The following DTWD1 variants were observed in gnomAD, a reference collection of about 807,000 sequenced individuals.
DTWD1 encodes the protein tRNA-uridine aminocarboxypropyltransferase 1.
A neutral mutation model predicts 30.2 loss-of-function variants in DTWD1; 27 were observed. The observed-to-expected ratio is 0.90, with a 90% confidence interval of 0.66 to 1.23. DTWD1 has a LOEUF of 1.23. Among genes scored for constraint, DTWD1 ranks in the 50% most tolerant of loss-of-function variants. The probability of loss-of-function intolerance (pLI) is 0.00; values close to 1 mark genes in which losing one functional copy is unlikely to be tolerated. For synonymous variants in DTWD1, 99 were observed against 113.1 expected, an observed-to-expected ratio of 0.88 and a Z score of 0.79; for missense variants, 342 against 348.8, an observed-to-expected ratio of 0.98 and a Z score of 0.15.
intron 4 of DTWD1, among the ~76,000 whole-genome samples, chr15:49,636,169 C>T (rs2078999775): frequency 6.6e-6 from 1 of 152,044 alleles, no homozygotes; most frequent in African/African-American, 2.4e-5. Flanking sequence ...TTTGTTGTAG[C>T]ATGTATCAAT....
In DTWD1 at chr15:49,653,319, A is replaced by G. The variant is rs2079163029; in HGVS notation, c.*9741A>G. On this transcript the variant is annotated 3_prime_UTR_variant, in exon 5 of 5. Coordinates refer to ENST00000403028, the MANE Select transcript of DTWD1 (RefSeq NM_001144955.2). ...AACTCAACCTGCTATTGTTGGCTTT[A>G]CAGGTGAGTGATAGGAACCACAAGC... The G allele has an allele frequency of 6.6e-6, 1 of 152,130 alleles. No individual in the cohort carries two copies. The highest frequency in any genetic ancestry group is 2.4e-5 in the African/African-American group (1 of 41,462). 9.4% of individuals were successfully genotyped at this position (152,130 alleles called of 1,614,324 possible).
chr15:49,638,334 A>G (rs1015094462), intron 4 of DTWD1, among the ~76,000 whole-genome samples: 1 of 152,168 alleles, frequency 6.6e-6, no homozygotes, highest in Admixed American at 6.5e-5. Context: ...ATTCACATGG[A>G]AAGTATCATA....
intron 4 of DTWD1, among the ~76,000 whole-genome samples, chr15:49,635,612 C>T (rs2078991147): frequency 6.6e-6 from 1 of 151,976 alleles, no homozygotes. Flanking sequence ...CCTGCCTCAG[C>T]CTCGCTAGTA....
At chr15:49,633,554 G>C in intron 3 of DTWD1, 2 of 223,308 alleles carry the variant, frequency 9.0e-6, no homozygotes, top group South Asian at 9.0e-5. Context: ...GACTGGTCTC[G>C]AACTCCTAGG....
chr15:49,653,054 A>G lies in DTWD1; in HGVS notation c.*9476A>G, dbSNP rs540291283. 6.6e-6 allele frequency: 1 copy of G among 152,276 alleles called. No homozygotes were observed. The highest frequency in any genetic ancestry group is 1.9e-4 in the East Asian group (1 of 5,174). 9.4% of individuals were successfully genotyped at this position (152,276 alleles called of 1,614,324 possible). A position where few individuals can be genotyped will look rare whatever the true frequency, so the allele number is the denominator to read the frequency against. ...AATCAGTTTTTTTTCAGCATATGACATTTTGGAGTAGTTTGTTATTCAGCA... is the reference window on the plus strand; with the variant it reads ...AATCAGTTTTTTTTCAGCATATGACGTTTTGGAGTAGTTTGTTATTCAGCA... On this transcript the variant is annotated 3_prime_UTR_variant, in exon 5 of 5. Transcript: ENST00000403028.
intron 2 of DTWD1, among the ~76,000 whole-genome samples, chr15:49,629,046 C>T (rs1287578650): frequency 6.6e-6 from 1 of 152,070 alleles, no homozygotes; most frequent in Non-Finnish European, 1.5e-5. Context: ...TCCATGTGTT[C>T]TCCTTGTTCA....
At chr15:49,643,309 T>C in intron 4 of DTWD1, 22 bp from the exon 5 acceptor site, 1 of 1,030,574 alleles carries the variant, frequency 9.7e-7, no homozygotes, top group Non-Finnish European at 1.3e-6. Context: ...TTTCTTTCTT[T>C]TTTTTTTTTT....
At chr15:49,633,056 T>TATATATATATATAG (rs1555588645) in intron 3 of DTWD1, among the ~76,000 whole-genome samples, 3 of 146,214 alleles carry the variant, frequency 2.1e-5, no homozygotes, top group Non-Finnish European at 3.0e-5. Flanking sequence ...TATCTATATA[T>TATATATATATATAG]ATATATATAT....
chr15:49,641,717 T>C (rs1013306012), intron 4 of DTWD1, among the ~76,000 whole-genome samples: 2 of 152,122 alleles, frequency 1.3e-5, no homozygotes, highest in Admixed American at 6.6e-5. Flanking sequence ...TTGCCAGTTC[T>C]GTTTTTTTGT....
In DTWD1 at chr15:49,655,011, C is replaced by G. The variant is rs1197014542; in HGVS notation, c.*11433C>G. 1 of 151,992 alleles carries G rather than the reference C, an allele frequency of 6.6e-6. No homozygotes were observed. The highest frequency in any genetic ancestry group is 6.6e-5 in the Admixed American group (1 of 15,220). 9.4% of individuals were successfully genotyped at this position (151,992 alleles called of 1,614,324 possible). On this transcript the variant is annotated 3_prime_UTR_variant, in exon 5 of 5. Transcript: ENST00000403028. ...TTTGTCCCCTTATAAGGGCACCAAT[C>G]TCATCATGGAGGGTCTTCAACCTCA...
At chr15:49,640,496 C>G (rs932636354) in intron 4 of DTWD1, among the ~76,000 whole-genome samples, 1 of 152,086 alleles carries the variant, frequency 6.6e-6, no homozygotes, top group African/African-American at 2.4e-5. Context: ...TTCACCTTTA[C>G]AGGATAATGC....
At chr15:49,626,781 C>G (rs201252104) in intron 2 of DTWD1, 3 of 444,652 alleles carry the variant, frequency 6.7e-6, no homozygotes, top group Non-Finnish European at 1.4e-5. Context: ...ATGGTCTCCT[C>G]AGCATCTAAA....
At chr15:49,637,549 A>G (rs557526320) in intron 4 of DTWD1, among the ~76,000 whole-genome samples, 1 of 152,326 alleles carries the variant, frequency 6.6e-6, no homozygotes, top group African/African-American at 2.4e-5. Context: ...GTTCACACAG[A>G]TAGTTCCAAT....
chr15:49,649,267 A>G lies in DTWD1; in HGVS notation c.*5689A>G, dbSNP rs1456125193. 1 of 152,170 alleles carries G rather than the reference A, an allele frequency of 6.6e-6. No homozygotes were observed. The highest frequency in any genetic ancestry group is 6.5e-5 in the Admixed American group (1 of 15,280). The allele number at this position is 152,170 out of a possible 1,614,324, so 9.4% of individuals were successfully genotyped here. A position where few individuals can be genotyped will look rare whatever the true frequency, so the allele number is the denominator to read the frequency against. On this transcript the variant is annotated 3_prime_UTR_variant, in exon 5 of 5. Transcript: ENST00000403028. Reference sequence around the variant, plus strand: ...GAACTTTAAGTGAAAATAGTTTTCTATTTGGATTCTATTTTTAGTCATGCA... The same window carrying G: ...GAACTTTAAGTGAAAATAGTTTTCTGTTTGGATTCTATTTTTAGTCATGCA...
chr15:49,643,667 A>G lies in DTWD1; in HGVS notation c.*89A>G, dbSNP rs576325893. 2.2e-6 allele frequency: 3 copies of G among 1,393,438 alleles called. No homozygotes were observed. Among genetic ancestry groups the G allele is most frequent in the Admixed American group, 2.5e-5 (1 of 40,506 alleles). 86.3% of individuals were successfully genotyped at this position (1,393,438 alleles called of 1,614,324 possible). A position where few individuals can be genotyped will look rare whatever the true frequency, so the allele number is the denominator to read the frequency against. ...GTTTTTTCTTAAGAAATAATCATAT[A>G]TAATGCCTGTAAGACCATTTGAAAA... is the stretch of plus-strand genomic sequence containing the variant. On this transcript the variant is annotated 3_prime_UTR_variant, in exon 5 of 5. Transcript: ENST00000403028.
At position 49,643,401 on chromosome 15, in the gene DTWD1, T is replaced by G; in HGVS notation, c.738T>G (p.Thr246=). The stretch of plus-strand genomic sequence containing the variant: ...GCCATCAAAAAGGAAAGCCAGATAC[T>G]TTCCTTTCTACAATTGAAGCCATTT... The part of the protein sequence containing the change: ...FWRHQKGKPD[T]FLSTIEAIYY... Residue 246 remains threonine (T), a synonymous_variant, in exon 5 of 5, where the codon ACT becomes ACG. Transcript: ENST00000403028. 6.2e-7 allele frequency: 1 copy of G among 1,600,188 alleles called. No homozygotes were observed. The highest frequency in any genetic ancestry group is 8.5e-7 in the Non-Finnish European group (1 of 1,174,862).
intron 3 of DTWD1, among the ~76,000 whole-genome samples, chr15:49,633,045 ATATC>A (rs111780537): frequency 2.8e-4 from 28 of 99,952 alleles, no homozygotes; most frequent in South Asian, 8.8e-4. Context: ...ATTTATATCT[ATATC>A]TATATATATA....
chr15:49,642,793 G>C (rs2079080798), intron 4 of DTWD1, among the ~76,000 whole-genome samples: 1 of 152,072 alleles, frequency 6.6e-6, no homozygotes, highest in African/African-American at 2.4e-5. Context: ...TGGATATGGT[G>C]GTGTGCACAT....
At position 49,650,246 on chromosome 15, in the gene DTWD1, C is replaced by CT. The variant is rs2079145511; in HGVS notation, c.*6669dup. ...CATGGTAAGATGTTAAGATTTTACT[C>CT]TGAGTGATGAGATAGGAAGCCATCA... On this transcript the variant is annotated 3_prime_UTR_variant, in exon 5 of 5. Transcript: ENST00000403028. 3 of 151,970 alleles carry CT rather than the reference C, an allele frequency of 2.0e-5. No individual in the cohort carries two copies. The highest frequency in any genetic ancestry group is 4.4e-5 in the Non-Finnish European group (3 of 67,990). The allele number at this position is 151,970 out of a possible 1,614,324, so 9.4% of individuals were successfully genotyped here.
Sources: allele counts gnomAD v4.1 joint callset (sites outside exome capture counted in the v4.1 genomes callset), GRCh38; gene constraint gnomAD v4.1.1; transcripts MANE v1.5; gene names NCBI Gene and HGNC (gene_info 2026-07-23, HGNC 2026-07-21).